Variants in LRP1B observed in about 807,000 individuals in gnomAD.
LRP1B encodes LDL receptor related protein 1B.
In LRP1B, 217 loss-of-function variants were observed where a neutral mutation model predicts 556.6. That is an observed-to-expected ratio of 0.39 (90% confidence interval 0.35 to 0.44). The LOEUF (loss-of-function observed/expected upper bound fraction) is 0.44, where lower values mean the gene tolerates loss of function less well. Ranked by LOEUF, LRP1B falls within the 20% of genes least tolerant of loss-of-function variation. The pLI is 1.00. For synonymous variants in LRP1B, 2,047 were observed against 1,865.8 expected, an observed-to-expected ratio of 1.10 and a Z score of -2.50; for missense variants, 5,053 against 5,620.8, an observed-to-expected ratio of 0.90 and a Z score of 3.23.
chr2:140,745,529 T>C (rs1046265227), intron 35 of LRP1B, among the ~76,000 whole-genome samples: 1 of 152,164 alleles, frequency 6.6e-6, no homozygotes, highest in Non-Finnish European at 1.5e-5. Flanking sequence ...CCAAAACAAG[T>C]TGCAAGATGA....
chr2:141,384,572 G>A (rs1381554350), intron 3 of LRP1B, among the ~76,000 whole-genome samples: 4 of 152,082 alleles, frequency 2.6e-5, no homozygotes, highest in African/African-American at 9.7e-5. Context: ...CCCATGGGAA[G>A]CCATGGGTGG....
intron 6 of LRP1B, among the ~76,000 whole-genome samples, chr2:141,225,798 T>C (rs1336449260): frequency 2.0e-5 from 3 of 152,150 alleles, no homozygotes; most frequent in Non-Finnish European, 4.4e-5. Context: ...TTAGGAATGA[T>C]GTACAATGTT....
intron 31 of LRP1B, among the ~76,000 whole-genome samples, chr2:140,823,763 A>G (rs13420111): frequency 0.13 from 19,103 of 151,856 alleles, 1,444 homozygotes; most frequent in Non-Finnish European, 0.17. Flanking sequence ...AATTATTTGC[A>G]TAGCAGTTTT....
intron 1 of LRP1B, among the ~76,000 whole-genome samples, chr2:141,864,769 C>A (rs1698352815): frequency 6.6e-6 from 1 of 152,140 alleles, no homozygotes; most frequent in Non-Finnish European, 1.5e-5. Flanking sequence ...GTAGTCCCAG[C>A]TACTCAGGAG....
chr2:141,664,654 C>T (rs564265854), intron 2 of LRP1B, among the ~76,000 whole-genome samples: 32 of 151,978 alleles, frequency 2.1e-4, no homozygotes, highest in Non-Finnish European at 2.5e-4. Context: ...ACAAAGGAAG[C>T]GAAGGACTTC....
At chr2:141,082,736 T>C (rs888863264) in intron 7 of LRP1B, among the ~76,000 whole-genome samples, 11 of 152,168 alleles carry the variant, frequency 7.2e-5, no homozygotes, top group Admixed American at 2.6e-4. Context: ...GGTGTGTTTT[T>C]CTTATAGAAA....
chr2:141,544,927 A>C (rs952659114), intron 2 of LRP1B, among the ~76,000 whole-genome samples: 5 of 151,998 alleles, frequency 3.3e-5, no homozygotes, highest in African/African-American at 9.7e-5. Flanking sequence ...TGGCCTCCCA[A>C]AGTGCTGGGA....
intron 3 of LRP1B, among the ~76,000 whole-genome samples, chr2:141,426,390 A>G (rs371679064): frequency 2.1e-4 from 32 of 152,330 alleles, no homozygotes; most frequent in South Asian, 4.1e-4. Context: ...TTTCAAATAA[A>G]ATAAGTATAA....
intron 1 of LRP1B, among the ~76,000 whole-genome samples, chr2:141,869,010 G>A (rs1225812911): frequency 1.3e-5 from 2 of 152,040 alleles, no homozygotes; most frequent in Non-Finnish European, 2.9e-5. Context: ...ATTGGATTTT[G>A]TTTTATTGCC....
rs556926212 is a variant in LRP1B, at chr2:141,474,587, T to C, written c.343+5809A>G. On this transcript the variant is annotated intron_variant, in intron 3 of 90. Transcript: ENST00000389484. ...AATGCAATTGCATATATTAGGAAAG[T>C]TATTTTCCAACTGGAAAGTAAAGTA... is the stretch of plus-strand genomic sequence containing the variant. Among the ~76,000 whole-genome samples the C allele has an allele frequency of 6.6e-4, 100 of 152,326 alleles. 1 individual carries two copies. Among genetic ancestry groups the C allele is most frequent in the African/African-American group, 2.3e-3 (95 of 41,586 alleles).
chr2:140,847,526 T>C (rs879776284), intron 29 of LRP1B, among the ~76,000 whole-genome samples: 5 of 152,114 alleles, frequency 3.3e-5, no homozygotes, highest in African/African-American at 7.2e-5. Context: ...CCCAGCACTT[T>C]GGGAGACAGA....
At chr2:141,574,554 G>A (rs1448226214) in intron 2 of LRP1B, among the ~76,000 whole-genome samples, 4 of 152,088 alleles carry the variant, frequency 2.6e-5, no homozygotes, top group Non-Finnish European at 5.9e-5. Context: ...TATAAGACAA[G>A]GATGCCTCTC....
intron 2 of LRP1B, among the ~76,000 whole-genome samples, chr2:141,496,014 GTTATA>G (rs1410003518): frequency 1.3e-5 from 2 of 151,882 alleles, no homozygotes; most frequent in East Asian, 1.9e-4. Flanking sequence ...TGGAAACACT[GTTATA>G]TTATTTTATT....
At chr2:140,372,962 C>T (rs1407716744) in intron 69 of LRP1B, 46 bp downstream of exon 69, 6 of 1,600,788 alleles carry the variant, frequency 3.7e-6, no homozygotes, top group Non-Finnish European at 5.1e-6. Context: ...TAAATTCTAT[C>T]AAGGTAAAAT....
At chr2:140,832,492 T>C (rs1446534721) in intron 31 of LRP1B, among the ~76,000 whole-genome samples, 1 of 152,174 alleles carries the variant, frequency 6.6e-6, no homozygotes, top group Non-Finnish European at 1.5e-5. Context: ...ACAATAATCA[T>C]AAGTGTCTAT....
chr2:141,233,135 T>G (rs947911148), intron 5 of LRP1B, among the ~76,000 whole-genome samples: 3 of 152,160 alleles, frequency 2.0e-5, no homozygotes, highest in African/African-American at 7.2e-5. Flanking sequence ...AAAAGAACAC[T>G]TGAAAAGCAC....
At chr2:141,311,919 C>G (rs937182055) in intron 3 of LRP1B, among the ~76,000 whole-genome samples, 2 of 152,078 alleles carry the variant, frequency 1.3e-5, no homozygotes, top group African/African-American at 4.8e-5. Context: ...TGTGGAAGCT[C>G]CTTTGGGACA....
chr2:140,422,706 G>A (rs1331766472), intron 66 of LRP1B, among the ~76,000 whole-genome samples: 1 of 152,176 alleles, frequency 6.6e-6, no homozygotes, highest in Non-Finnish European at 1.5e-5. Flanking sequence ...ATTAGAGCCT[G>A]GGGATGTTTA....
chr2:141,868,716 T>C (rs1344225076), intron 1 of LRP1B, among the ~76,000 whole-genome samples: 1 of 152,172 alleles, frequency 6.6e-6, no homozygotes, highest in East Asian at 1.9e-4. Flanking sequence ...ACTTGTATTT[T>C]TCCCCCTTAT....
Sources: allele counts gnomAD v4.1 joint callset (sites outside exome capture counted in the v4.1 genomes callset), GRCh38; gene constraint gnomAD v4.1.1; transcripts MANE v1.5; gene names NCBI Gene and HGNC (gene_info 2026-07-23, HGNC 2026-07-21).